Variants in ZFAND4 observed in about 807,000 individuals in gnomAD.
ZFAND4 encodes the protein AN1-type zinc finger protein 4.
A neutral mutation model predicts 64.4 loss-of-function variants in ZFAND4; 43 were observed. The observed-to-expected ratio is 0.67, with a 90% CI of 0.52 to 0.86. ZFAND4 has a LOEUF of 0.86. Ranked by LOEUF, ZFAND4 falls within the 40% of genes least tolerant of loss-of-function variation. The pLI is 0.00. For synonymous variants in ZFAND4, 296 were observed against 305.7 expected (o/e 0.97, Z 0.33); for missense variants, 929 against 859.8 (o/e 1.08, Z -1.01).
intron 2 of ZFAND4, among the ~76,000 whole-genome samples, chr10:45,656,135 G>A (rs935527762): frequency 6.6e-6 from 1 of 152,178 alleles, no homozygotes; most frequent in African/African-American, 2.4e-5. Flanking sequence ...GGAGGCTGAG[G>A]CAGGAGAATG....
intron 8 of ZFAND4, among the ~76,000 whole-genome samples, chr10:45,619,189 C>T (rs1434860516): frequency 6.6e-6 from 1 of 151,944 alleles, no homozygotes; most frequent in Non-Finnish European, 1.5e-5. Flanking sequence ...TGGGCACGCA[C>T]CACCACGCTC....
In ZFAND4 at chr10:45,664,121, TTTG is replaced by T. The variant is rs1214363630; in HGVS notation, c.-117-282_-117-280del. 3.3e-5 allele frequency among the ~76,000 whole-genome samples: 5 copies of T among 152,284 alleles called. No homozygotes were observed. In the South Asian group the frequency reaches 8.3e-4, roughly 25 times the overall value. Reference sequence around the variant, plus strand: ...ATATAGTACATGCTCAACAAATACTTTTGTTGTTAAGTGATATATAAGCCAAAC... The same window carrying T: ...ATATAGTACATGCTCAACAAATACTTTTGTTAAGTGATATATAAGCCAAAC... On this transcript the variant is annotated intron_variant, in intron 1 of 9. Coordinates refer to ENST00000344646, the MANE Select transcript of ZFAND4 (RefSeq NM_174890.4).
chr10:45,630,033 ATCT>A (rs1220418710), intron 6 of ZFAND4, among the ~76,000 whole-genome samples: 2 of 152,086 alleles, frequency 1.3e-5, no homozygotes, highest in Non-Finnish European at 2.9e-5. Flanking sequence ...GTTAATACTC[ATCT>A]AAGTAAATAA....
At chr10:45,670,215 C>G (rs1461808678) in intron 1 of ZFAND4, among the ~76,000 whole-genome samples, 2 of 150,894 alleles carry the variant, frequency 1.3e-5, no homozygotes, top group Non-Finnish European at 3.0e-5. Flanking sequence ...GCAAAAATCA[C>G]AACTATCTGA....
At chr10:45,652,167 C>T (rs1589388974) in intron 3 of ZFAND4, 134 bp from the exon 4 acceptor site, 1 of 746,558 alleles carries the variant, frequency 1.3e-6, no homozygotes, top group Non-Finnish European at 2.3e-6. Flanking sequence ...AATGTAAATA[C>T]ATATAAAATG....
intron 8 of ZFAND4, chr10:45,620,926 C>G (rs1259585761): frequency 1.3e-5 from 2 of 152,100 alleles, no homozygotes; most frequent in Non-Finnish European, 2.9e-5. Flanking sequence ...GTGTACTGAA[C>G]AGATGAATAA....
At chr10:45,662,515 A>G in intron 2 of ZFAND4, 1 of 833,860 alleles carries the variant, frequency 1.2e-6, no homozygotes, top group Non-Finnish European at 1.4e-6. Flanking sequence ...GGTATCCTTT[A>G]AACTATGATA....
chr10:45,642,586 C>T (rs1455742642), intron 5 of ZFAND4, among the ~76,000 whole-genome samples: 9 of 141,282 alleles, frequency 6.4e-5, no homozygotes, highest in East Asian at 2.1e-4. Flanking sequence ...CCAGCCTGGG[C>T]GACAGAGTGA....
At chr10:45,668,238 C>A (rs532141563) in intron 1 of ZFAND4, among the ~76,000 whole-genome samples, 2 of 152,182 alleles carry the variant, frequency 1.3e-5, no homozygotes, top group Non-Finnish European at 2.9e-5. Context: ...TTCATTATGT[C>A]TGTCAGGATT....
In ZFAND4 at chr10:45,625,989, T is replaced by A. The variant is rs776394662; in HGVS notation, c.1834A>T (p.Lys612Ter). Residue 612 changes from lysine (K) to a stop codon, truncating the protein, a stop_gained, in exon 7 of 10, where the codon AAA becomes TAA. Transcript: ENST00000344646. LOFTEE classifies it high-confidence loss of function. ...GTATGTTCTAACTGGGGAGAACTTT[T>A]CCTAAAGTTTTCTTCCTGAAAATGC... Reference protein sequence around the residue: ...LQHFQEENFRKSSPQLEHTGV... With the variant: ...LQHFQEENFR 1.2e-6 allele frequency: 2 copies of A among 1,614,168 alleles called. No individual in the cohort carries two copies. The highest frequency in any genetic ancestry group is 1.7e-6 in the Non-Finnish European group (2 of 1,180,026).
intron 4 of ZFAND4, chr10:45,648,837 A>G: frequency 1.5e-6 from 1 of 687,028 alleles, no homozygotes; most frequent in South Asian, 6.5e-5. Context: ...CTATGTCACT[A>G]GAGTCTGTGT....
chr10:45,661,090 G>T (rs1288156616), intron 2 of ZFAND4, among the ~76,000 whole-genome samples: 2 of 152,182 alleles, frequency 1.3e-5, no homozygotes, highest in Non-Finnish European at 2.9e-5. Flanking sequence ...GGGCCTGGTG[G>T]CTCAGGTCTG....
chr10:45,666,188 G>A (rs1282115026), intron 1 of ZFAND4, among the ~76,000 whole-genome samples: 3 of 152,144 alleles, frequency 2.0e-5, no homozygotes, highest in East Asian at 1.9e-4. Flanking sequence ...ATGAATGAGG[G>A]TGCCAATTTC....
intron 1 of ZFAND4, among the ~76,000 whole-genome samples, chr10:45,665,209 C>T (rs1416598360): frequency 2.0e-5 from 3 of 152,126 alleles, no homozygotes; most frequent in Non-Finnish European, 4.4e-5. Flanking sequence ...AAATGATACA[C>T]ATCTTTCTGG....
At chr10:45,643,243 T>C (rs1344735999) in intron 5 of ZFAND4, among the ~76,000 whole-genome samples, 1 of 151,824 alleles carries the variant, frequency 6.6e-6, no homozygotes, top group African/African-American at 2.4e-5. Flanking sequence ...TTTAATGATA[T>C]GATTAAAGGA....
chr10:45,638,123 G>A (rs891731281), intron 6 of ZFAND4, among the ~76,000 whole-genome samples: 1 of 152,160 alleles, frequency 6.6e-6, no homozygotes, highest in Non-Finnish European at 1.5e-5. Flanking sequence ...AATATCAAGT[G>A]TTGACAAGAA....
At chr10:45,659,952 C>T (rs1029376482) in intron 2 of ZFAND4, among the ~76,000 whole-genome samples, 21 of 151,848 alleles carry the variant, frequency 1.4e-4, no homozygotes, top group African/African-American at 5.1e-4. Context: ...CCGAGACAGG[C>T]GGATCCCGAG....
intron 1 of ZFAND4, among the ~76,000 whole-genome samples, chr10:45,667,880 TG>T (rs1564640536): frequency 6.6e-6 from 1 of 152,200 alleles, no homozygotes; most frequent in African/African-American, 2.4e-5. Context: ...AGGAAACCAT[TG>T]AGTCTTTAGG....
In ZFAND4 at chr10:45,626,397, G is replaced by A. The variant is rs372234665; in HGVS notation, c.1426C>T (p.Arg476Cys). 77 of 1,613,968 alleles carry A rather than the reference G, an allele frequency of 4.8e-5. No individual in the cohort carries two copies. Among genetic ancestry groups the A allele is most frequent in the East Asian group, 6.7e-5 (3 of 44,888 alleles). The change falls in exon 7 of 10, where the codon CGC becomes TGC. Residue 476 changes from arginine to cysteine, a missense_variant. By Grantham distance (180) the Arg-to-Cys change is radical (BLOSUM62 -3). Coordinates refer to ENST00000344646, the MANE Select transcript of ZFAND4 (RefSeq NM_174890.4). ...PHKNRLLSPL[R>C]CSAPMSLHNS... ...TGTAGCGACATTGGTGCAGAACAGC[G>A]AAGAGGTGACAAGAGTCTATTCTTG...
Sources: gnomAD v4.1 joint callset for allele counts (sites outside exome capture counted in the v4.1 genomes callset) on GRCh38, gnomAD v4.1.1 for gene constraint, MANE v1.5 for transcripts, NCBI Gene and HGNC (gene_info 2026-07-23, HGNC 2026-07-21) for gene names.